Variants in PCDHGB3 observed in about 807,000 individuals in gnomAD.
PCDHGB3 encodes protocadherin gamma subfamily B, 3.
Under a neutral mutation model 59.2 loss-of-function variants are expected in PCDHGB3, and 40 were observed. That is an observed-to-expected ratio of 0.68 (90% CI 0.52 to 0.88). PCDHGB3 has a LOEUF of 0.88. Ranked by LOEUF, PCDHGB3 falls within the 40% of genes least tolerant of loss-of-function variation. The probability of loss-of-function intolerance (pLI) is 0.00; values close to 1 mark genes in which losing one functional copy is unlikely to be tolerated. For synonymous variants in PCDHGB3, 581 were observed against 503.6 expected (o/e 1.15, Z -2.06); for missense variants, 1,309 against 1,187.9 (o/e 1.10, Z -1.50).
At chr5:141,407,453 C>T (rs914537742) in intron 1 of PCDHGB3, among the ~76,000 whole-genome samples, 4 of 148,722 alleles carry the variant, frequency 2.7e-5, no homozygotes, top group Non-Finnish European at 6.0e-5. Flanking sequence ...ACACGAGGCT[C>T]ACCAGACAGA....
chr5:141,383,537 C>G, intron 1 of PCDHGB3: 2 of 1,612,570 alleles, frequency 1.2e-6, no homozygotes, highest in Non-Finnish European at 1.7e-6. Context: ...CTGGTCCTCA[C>G]AGCCTCTGAT....
At chr5:141,484,863 G>T (rs561595169) in intron 1 of PCDHGB3, 136 of 273,782 alleles carry the variant, frequency 5.0e-4, no homozygotes, top group African/African-American at 2.8e-3. Context: ...GGGGGTGGGG[G>T]AGCGTGGAGG....
At chr5:141,421,979 G>C in intron 1 of PCDHGB3, 1 of 1,609,702 alleles carries the variant, frequency 6.2e-7, no homozygotes, top group Non-Finnish European at 8.5e-7. Flanking sequence ...TATCGCGTGA[G>C]TGTTCCAGAA....
intron 1 of PCDHGB3, chr5:141,382,981 GC>G (rs1247248869): frequency 6.2e-7 from 1 of 1,612,206 alleles, no homozygotes; most frequent in African/African-American, 1.3e-5. Flanking sequence ...GGAAGCCTGG[GC>G]AGGACGTATT....
chr5:141,422,239 G>C (rs2096636040), intron 1 of PCDHGB3: 3 of 1,566,586 alleles, frequency 1.9e-6, no homozygotes, highest in East Asian at 4.5e-5. Context: ...GTTGATCACT[G>C]TTGTGGATGT....
Position 141,483,381 on chromosome 5 carries a change from G to T in PCDHGB3, c.2416-11426G>T, listed in dbSNP as rs147887550. ...AAGCTATTGCAATATTTGAAGAGAA[G>T]ATTGATAAATGCTTGAACCAGCACA... On this transcript the variant is annotated intron_variant, in intron 1 of 3. Transcript: ENST00000576222. 2.0e-3 allele frequency among the ~76,000 whole-genome samples: 305 copies of T among 152,292 alleles called. 2 individuals are homozygous for T. Among genetic ancestry groups the T allele is most frequent in the African/African-American group, 6.9e-3 (286 of 41,558 alleles).
chr5:141,405,370 G>T (rs2094649512), intron 1 of PCDHGB3: 1 of 1,606,236 alleles, frequency 6.2e-7, no homozygotes, highest in Non-Finnish European at 8.5e-7. Context: ...ACACCCCTTT[G>T]GTTCCGGTGA....
At chr5:141,415,982 T>G in intron 1 of PCDHGB3, 1 of 342,492 alleles carries the variant, frequency 2.9e-6, no homozygotes, top group Non-Finnish European at 4.9e-6. Flanking sequence ...AGCAACCCTC[T>G]TGTTCTGAAG....
intron 1 of PCDHGB3, among the ~76,000 whole-genome samples, chr5:141,481,109 A>G (rs959629019): frequency 6.6e-6 from 1 of 152,186 alleles, no homozygotes; most frequent in Non-Finnish European, 1.5e-5. Flanking sequence ...GGAACCTACC[A>G]ATCCATCATT....
chr5:141,430,994 C>T, intron 1 of PCDHGB3: 1 of 1,613,950 alleles, frequency 6.2e-7, no homozygotes, highest in East Asian at 2.2e-5. Context: ...CGCCCTGAAT[C>T]CGCGCAGCGG....
rs1304361659 is a variant in PCDHGB3 at position 141,494,859 on chromosome 5, C to T, written c.2468C>T (p.Thr823Ile). 2 of 1,614,134 alleles carry T rather than the reference C, an allele frequency of 1.2e-6. No individual in the cohort carries two copies. The highest frequency in any genetic ancestry group is 8.5e-7 in the Non-Finnish European group (1 of 1,180,012). Reference protein sequence around the residue: ...WRFSQAQRPGTSGSQNGDDTG... With the variant: ...WRFSQAQRPGISGSQNGDDTG... Reference sequence around the variant, plus strand: ...TTCTCTCAGGCCCAGAGACCCGGCACCAGCGGGTAGGTGACTGATTCTCCA... The same window carrying T: ...TTCTCTCAGGCCCAGAGACCCGGCATCAGCGGGTAGGTGACTGATTCTCCA... Residue 823 changes from threonine to isoleucine, a missense_variant, in exon 2 of 4, where the codon ACC becomes ATC. By Grantham distance (89) the Thr-to-Ile change is moderately conservative. Coordinates refer to ENST00000576222, the MANE Select transcript of PCDHGB3 (RefSeq NM_018924.5).
chr5:141,463,438 CTTTTTTT>C (rs71576115), intron 1 of PCDHGB3, among the ~76,000 whole-genome samples: 1 of 103,252 alleles, frequency 9.7e-6, no homozygotes, highest in Non-Finnish European at 1.9e-5. Flanking sequence ...TTTCCTTCTC[CTTTTTTT>C]TTTTTTTTTT....
intron 1 of PCDHGB3, chr5:141,376,511 A>T (rs1772759246): frequency 6.2e-7 from 1 of 1,613,966 alleles, no homozygotes; most frequent in Non-Finnish European, 8.5e-7. Flanking sequence ...ACTTCAGGTG[A>T]GTTTCTTTCC....
chr5:141,414,690 G>A (rs377704657), intron 1 of PCDHGB3: 53 of 1,613,888 alleles, frequency 3.3e-5, no homozygotes, highest in Middle Eastern at 1.6e-4. Flanking sequence ...GGGTACCTCT[G>A]TCCTCATACA....
intron 1 of PCDHGB3, chr5:141,427,774 G>T: frequency 1.4e-6 from 2 of 1,420,908 alleles, no homozygotes; most frequent in Non-Finnish European, 2.0e-6. Context: ...TTGGAGCTGC[G>T]GGCACTGTCG....
chr5:141,393,724 C>T (rs959974182), intron 1 of PCDHGB3: 1 of 1,613,570 alleles, frequency 6.2e-7, no homozygotes, highest in Non-Finnish European at 8.5e-7. Context: ...ATATCAATAG[C>T]AAAAAGTCTA....
chr5:141,396,620 A>C (rs1222901061), intron 1 of PCDHGB3: 1 of 142,662 alleles, frequency 7.0e-6, no homozygotes, highest in Admixed American at 7.0e-5. Flanking sequence ...ACTCCGTCTC[A>C]AAAAAAAAAA....
At chr5:141,416,434 A>G (rs2096024040) in intron 1 of PCDHGB3, 1 of 152,222 alleles carries the variant, frequency 6.6e-6, no homozygotes, top group African/African-American at 2.4e-5. Context: ...CTAAGGCTGA[A>G]AGTAAATATG....
Position 141,476,024 on chromosome 5 carries a change from C to T in PCDHGB3, c.2416-18783C>T. ...ATCCAGAAAGCCATGTCGGACTCGG[C>T]GCCCAGCGCCCAAGCGCTAACCCGC... On this transcript the variant is annotated intron_variant, in intron 1 of 3. Coordinates refer to ENST00000576222, the MANE Select transcript of PCDHGB3 (RefSeq NM_018924.5). The surrounding 1 kb of genome is among the most constrained non-coding windows in gnomAD (Gnocchi z 7.6). The T allele has an allele frequency of 1.4e-6, 2 of 1,416,548 alleles. No individual in the cohort carries two copies. Among genetic ancestry groups the T allele is most frequent in the Non-Finnish European group, 9.5e-7 (1 of 1,058,066 alleles). 87.7% of individuals were successfully genotyped at this position (1,416,548 alleles called of 1,614,324 possible).
Sources: gnomAD v4.1 joint callset for allele counts (sites outside exome capture counted in the v4.1 genomes callset) on GRCh38, gnomAD v4.1.1 for gene constraint, Gnocchi (gnomAD v3.1) non-coding constraint, MANE v1.5 for transcripts, NCBI Gene and HGNC (gene_info 2026-07-23, HGNC 2026-07-21) for gene names.